The following LRP1B variants were observed in gnomAD, a reference collection of about 807,000 sequenced individuals.
LRP1B encodes the protein LDL receptor related protein 1B, also known as low-density lipoprotein receptor-related protein 1B.
In LRP1B, 217 loss-of-function variants were observed where a neutral mutation model predicts 556.6. That is an observed-to-expected ratio of 0.39 (90% CI 0.35 to 0.44). The LOEUF is 0.44. Ranked by LOEUF, LRP1B falls within the 20% of genes least tolerant of loss-of-function variation. LRP1B has a pLI of 1.00. For missense variants in LRP1B, 5,053 were observed against 5,620.8 expected, an observed-to-expected ratio of 0.90 and a Z score of 3.23; for synonymous variants, 2,047 against 1,865.8, an observed-to-expected ratio of 1.10 and a Z score of -2.50.
At chr2:142,029,278 G>T (rs191408368) in intron 1 of LRP1B, among the ~76,000 whole-genome samples, 1 of 151,816 alleles carries the variant, frequency 6.6e-6, no homozygotes, top group Non-Finnish European at 1.5e-5. Flanking sequence ...CTGCCCATTT[G>T]TTAGAACAGT....
chr2:140,336,319 C>G (rs1328451625), intron 77 of LRP1B, among the ~76,000 whole-genome samples: 3 of 150,900 alleles, frequency 2.0e-5, no homozygotes, highest in Non-Finnish European at 4.4e-5. Flanking sequence ...GTTTACTGTT[C>G]TGACAATATC....
At chr2:141,954,009 C>A (rs1287804968) in intron 1 of LRP1B, among the ~76,000 whole-genome samples, 1 of 152,070 alleles carries the variant, frequency 6.6e-6, no homozygotes, top group Non-Finnish European at 1.5e-5. Context: ...TGATCCTTTC[C>A]TTGCCCTATT....
intron 32 of LRP1B, among the ~76,000 whole-genome samples, chr2:140,780,858 T>C (rs1202031155): frequency 6.6e-6 from 1 of 152,160 alleles, no homozygotes; most frequent in Non-Finnish European, 1.5e-5. Flanking sequence ...CCTTGACAAC[T>C]AGAAGGTAGC....
chr2:140,711,236 G>T (rs143456462), intron 37 of LRP1B, among the ~76,000 whole-genome samples: 2,532 of 151,958 alleles, frequency 0.017, 91 homozygotes, highest in Admixed American at 0.072. Flanking sequence ...TTTACCACTG[G>T]CTGGCAGATT....
chr2:141,549,771 T>C (rs1032385876), intron 2 of LRP1B, among the ~76,000 whole-genome samples: 8 of 152,024 alleles, frequency 5.3e-5, no homozygotes, highest in African/African-American at 1.7e-4. Context: ...CCGAGGCAGG[T>C]GGATCATGAG....
intron 11 of LRP1B, among the ~76,000 whole-genome samples, chr2:141,044,439 G>C (rs922435476): frequency 1.3e-5 from 2 of 151,248 alleles, no homozygotes; most frequent in Non-Finnish European, 1.5e-5. Context: ...TTAAACTAAA[G>C]AGCTTCTGCA....
chr2:142,056,814 C>G (rs1334629248), intron 1 of LRP1B, among the ~76,000 whole-genome samples: 2 of 150,898 alleles, frequency 1.3e-5, no homozygotes, highest in Non-Finnish European at 3.0e-5. Flanking sequence ...GTGTATTTTC[C>G]TTCCTCCTTC....
intron 3 of LRP1B, among the ~76,000 whole-genome samples, chr2:141,395,012 G>A (rs959467677): frequency 1.3e-5 from 2 of 152,086 alleles, no homozygotes; most frequent in African/African-American, 4.8e-5. Flanking sequence ...TGAGATTTTA[G>A]TCAATGATGG....
chr2:141,762,823 A>T (rs937935198), intron 2 of LRP1B, among the ~76,000 whole-genome samples: 8 of 152,208 alleles, frequency 5.3e-5, no homozygotes, highest in Non-Finnish European at 7.4e-5. Context: ...TTTAAAAGTT[A>T]GTAAATGGAT....
chr2:141,700,566 G>C (rs1238773388), intron 2 of LRP1B, among the ~76,000 whole-genome samples: 1 of 151,718 alleles, frequency 6.6e-6, no homozygotes, highest in Non-Finnish European at 1.5e-5. Flanking sequence ...ATAGCCCAAA[G>C]TGAAGGCCTC....
intron 1 of LRP1B, among the ~76,000 whole-genome samples, chr2:142,104,431 A>G (rs748615110): frequency 9.2e-5 from 14 of 152,168 alleles, no homozygotes; most frequent in Non-Finnish European, 1.9e-4. Flanking sequence ...GCTGTTTGGC[A>G]TGAAGGAAAC....
At chr2:141,061,376 A>G (rs1447026662) in intron 8 of LRP1B, among the ~76,000 whole-genome samples, 1 of 151,866 alleles carries the variant, frequency 6.6e-6, no homozygotes, top group East Asian at 1.9e-4. Context: ...CTCACATAAA[A>G]TAAGTGCCAT....
At chr2:141,629,864 C>T (rs1370325) in intron 2 of LRP1B, among the ~76,000 whole-genome samples, 37,995 of 151,732 alleles carry the variant, frequency 0.25, 5,163 homozygotes, top group East Asian at 0.52. Flanking sequence ...AGAATAGATA[C>T]CCAGCCAACT....
intron 35 of LRP1B, among the ~76,000 whole-genome samples, chr2:140,749,350 C>A (rs1369232305): frequency 1.4e-5 from 2 of 146,878 alleles, no homozygotes; most frequent in East Asian, 2.0e-4. Context: ...CTTGCTGTAA[C>A]TTTTTTCCTT....
rs187599861 is a variant in LRP1B at position 142,013,376 on chromosome 2, A to G, written c.82+117272T>C. 3.3e-5 allele frequency among the ~76,000 whole-genome samples: 5 copies of G among 152,312 alleles called. No homozygotes were observed. The East Asian group carries it at 9.6e-4, about 29-fold the overall frequency. On this transcript the variant is annotated intron_variant, in intron 1 of 90. Coordinates refer to ENST00000389484, the MANE Select transcript of LRP1B (RefSeq NM_018557.3). ...GATTATGGAGGATGGTATCTAACCT[A>G]GAACAGGTTGGCACTTTCTTTACTG...
chr2:140,502,829 C>T (rs1689253662), intron 54 of LRP1B, 134 bp downstream of exon 54: 2 of 798,034 alleles, frequency 2.5e-6, no homozygotes, highest in East Asian at 2.6e-5. Flanking sequence ...TAGTACCCTG[C>T]ATGGTGTCAC....
In LRP1B at chr2:141,428,342, A is replaced by G. The variant is rs144476869; in HGVS notation, c.343+52054T>C. Among the ~76,000 whole-genome samples, 12 of 152,314 alleles carry G rather than the reference A, an allele frequency of 7.9e-5. No homozygotes were observed. The East Asian group carries it at 2.1e-3, about 27-fold the overall frequency. ...AACTTTTCCCTTGACAAATCAAAAC[A>G]TGAAAAGTGACAGAACTTCTTTTAA... On this transcript the variant is annotated intron_variant, in intron 3 of 90. Transcript: ENST00000389484.
At chr2:141,905,794 T>TGTGTGTGC (rs1699740514) in intron 1 of LRP1B, among the ~76,000 whole-genome samples, 2 of 150,884 alleles carry the variant, frequency 1.3e-5, no homozygotes, top group South Asian at 4.2e-4. Context: ...TGTGTGTGTG[T>TGTGTGTGC]GTGTGTGTGT....
chr2:140,680,949 G>C (rs1685839395), intron 41 of LRP1B, among the ~76,000 whole-genome samples: 1 of 152,108 alleles, frequency 6.6e-6, no homozygotes, highest in South Asian at 2.1e-4. Context: ...TGATTTTGTG[G>C]GACTTAAAAG....
Sources: gnomAD v4.1 joint callset for allele counts (sites outside exome capture counted in the v4.1 genomes callset) on GRCh38, gnomAD v4.1.1 for gene constraint, MANE v1.5 for transcripts, NCBI Gene and HGNC (gene_info 2026-07-23, HGNC 2026-07-21) for gene names.